The following SEMA5A variants were observed in gnomAD, a reference collection of about 807,000 sequenced individuals.
SEMA5A encodes the protein semaphorin 5A.
Under a neutral mutation model 135.5 loss-of-function variants are expected in SEMA5A, and 55 were observed. The ratio of observed to expected loss-of-function variants is 0.41; its 90% CI spans 0.33 to 0.51. The LOEUF (loss-of-function observed/expected upper bound fraction) is 0.51, where lower values mean the gene tolerates loss of function less well. Ranked by LOEUF, SEMA5A falls within the 20% of genes least tolerant of loss-of-function variation. SEMA5A has a pLI of 0.37. For synonymous variants in SEMA5A, 580 were observed against 546.5 expected (o/e 1.06, Z -0.85); for missense variants, 1,290 against 1,419.9 (o/e 0.91, Z 1.47).
At chr5:9,348,037 GC>G (rs1366603020) in intron 3 of SEMA5A, among the ~76,000 whole-genome samples, 1 of 152,122 alleles carries the variant, frequency 6.6e-6, no homozygotes, top group Non-Finnish European at 1.5e-5. Context: ...GGATCTAAAT[GC>G]CAGTGTTAGG....
In SEMA5A at chr5:9,122,128, A is replaced by G. The variant is rs186145742; in HGVS notation, c.1781+528T>C. ...ATATAGTTGTAAAAAAAATAAATAA[A>G]TAAAACAAACACCACCACAGTAAGC... On this transcript the variant is annotated intron_variant, in intron 14 of 22. Coordinates refer to ENST00000382496, the MANE Select transcript of SEMA5A (RefSeq NM_003966.3). Among the ~76,000 whole-genome samples, 15 of 152,316 alleles carry G rather than the reference A, an allele frequency of 9.8e-5. No homozygotes were observed. The East Asian group carries it at 2.9e-3, about 29-fold the overall frequency.
chr5:9,531,173 A>C (rs1713363810), intron 1 of SEMA5A, among the ~76,000 whole-genome samples: 3 of 152,232 alleles, frequency 2.0e-5, no homozygotes, highest in Admixed American at 6.5e-5. Context: ...TGCATCAAGC[A>C]CTCTGACCAG....
At chr5:9,326,640 G>C (rs1452303421) in intron 4 of SEMA5A, among the ~76,000 whole-genome samples, 1 of 152,174 alleles carries the variant, frequency 6.6e-6, no homozygotes, top group Non-Finnish European at 1.5e-5. Context: ...AAATTAGCTG[G>C]GCGTAGTGGT....
chr5:9,254,590 A>G (rs1288405891), intron 5 of SEMA5A, among the ~76,000 whole-genome samples: 1 of 152,174 alleles, frequency 6.6e-6, no homozygotes. Flanking sequence ...AGGTCAGACC[A>G]TGGTGTTTCA....
At chr5:9,250,261 T>G (rs1410196832) in intron 5 of SEMA5A, among the ~76,000 whole-genome samples, 1 of 152,134 alleles carries the variant, frequency 6.6e-6, no homozygotes, top group East Asian at 1.9e-4. Context: ...GGGCACTGTC[T>G]TTTGATCATG....
At chr5:9,188,831 C>A (rs1201985197) in intron 11 of SEMA5A, among the ~76,000 whole-genome samples, 6 of 102,866 alleles carry the variant, frequency 5.8e-5, no homozygotes, top group African/African-American at 2.8e-4. Context: ...ACCTCCCATC[C>A]CCTCCAGATA....
chr5:9,061,963 G>T (rs576907527), intron 18 of SEMA5A, among the ~76,000 whole-genome samples: 4 of 152,052 alleles, frequency 2.6e-5, no homozygotes, highest in Non-Finnish European at 4.4e-5. Context: ...GAGGCCATGT[G>T]GGGGAGGGCT....
chr5:9,194,972 C>T (rs575313869), intron 10 of SEMA5A, among the ~76,000 whole-genome samples: 188 of 152,298 alleles, frequency 1.2e-3, no homozygotes, highest in African/African-American at 4.4e-3. Context: ...TACTAAGCCA[C>T]GCTGTTCACA....
intron 14 of SEMA5A, 108 bp from the exon 15 acceptor site, chr5:9,119,249 G>C: frequency 4.4e-6 from 6 of 1,361,638 alleles, no homozygotes; most frequent in Non-Finnish European, 6.1e-6. Context: ...TCACGCTTGG[G>C]GCTGCTCAGG....
chr5:9,135,329 C>T (rs1397953946), intron 13 of SEMA5A, among the ~76,000 whole-genome samples: 10 of 151,812 alleles, frequency 6.6e-5, no homozygotes, highest in African/African-American at 1.7e-4. Flanking sequence ...TACAGGCGCC[C>T]GCCACCACGC....
At chr5:9,239,864 T>C (rs1233712338) in intron 5 of SEMA5A, among the ~76,000 whole-genome samples, 1 of 152,046 alleles carries the variant, frequency 6.6e-6, no homozygotes, top group Non-Finnish European at 1.5e-5. Context: ...AATGTTCTCT[T>C]CTATAAACAT....
At chr5:9,105,035 C>T (rs1274122319) in intron 16 of SEMA5A, among the ~76,000 whole-genome samples, 1 of 152,200 alleles carries the variant, frequency 6.6e-6, no homozygotes, top group Non-Finnish European at 1.5e-5. Context: ...CTTTGCAGAG[C>T]AAGACAGAAG....
intron 5 of SEMA5A, among the ~76,000 whole-genome samples, chr5:9,294,040 A>T (rs1179249866): frequency 2.0e-5 from 3 of 152,216 alleles, no homozygotes; most frequent in Non-Finnish European, 4.4e-5. Context: ...AACACATTAC[A>T]TTTTAATTAA....
chr5:9,510,653 C>G (rs1736152691), intron 1 of SEMA5A, among the ~76,000 whole-genome samples: 1 of 152,080 alleles, frequency 6.6e-6, no homozygotes, highest in Admixed American at 6.6e-5. Flanking sequence ...ATAGTTGAAA[C>G]AAATGAAATT....
chr5:9,448,019 G>A (rs989368081), intron 1 of SEMA5A, among the ~76,000 whole-genome samples: 1 of 152,120 alleles, frequency 6.6e-6, no homozygotes, highest in Admixed American at 6.5e-5. Context: ...AGAACCAAAA[G>A]GTCGGCATGT....
chr5:9,392,190 C>T (rs1035321362), intron 2 of SEMA5A, among the ~76,000 whole-genome samples: 2 of 152,190 alleles, frequency 1.3e-5, no homozygotes, highest in African/African-American at 4.8e-5. Context: ...CTCCCTTTTA[C>T]TCCACTATTA....
intron 11 of SEMA5A, among the ~76,000 whole-genome samples, chr5:9,185,552 A>G (rs1744758874): frequency 6.6e-6 from 1 of 152,226 alleles, no homozygotes. Flanking sequence ...AACTAAAACA[A>G]TTTATAAAAT....
At chr5:9,275,598 A>C (rs1750217986) in intron 5 of SEMA5A, among the ~76,000 whole-genome samples, 1 of 152,222 alleles carries the variant, frequency 6.6e-6, no homozygotes, top group Non-Finnish European at 1.5e-5. Context: ...AAATACTGGC[A>C]AACCAAATCC....
chr5:9,182,037 C>T (rs747336727), intron 11 of SEMA5A, among the ~76,000 whole-genome samples: 31 of 152,172 alleles, frequency 2.0e-4, no homozygotes, highest in Non-Finnish European at 3.5e-4. Context: ...TGTTTCTCTC[C>T]GCACATTGCA....
Sources: allele counts gnomAD v4.1 joint callset (sites outside exome capture counted in the v4.1 genomes callset), GRCh38; gene constraint gnomAD v4.1.1; transcripts MANE v1.5; gene names NCBI Gene and HGNC (gene_info 2026-07-23, HGNC 2026-07-21).